The following P2RX4 variants were observed in gnomAD, a reference collection of about 807,000 sequenced individuals.
P2RX4 encodes the protein purinergic receptor P2X 4.
A neutral mutation model predicts 48.0 loss-of-function variants in P2RX4; 37 were observed. That is an observed-to-expected ratio of 0.77 (90% CI 0.59 to 1.01). P2RX4 has a LOEUF of 1.01. P2RX4 is among the 50% of genes least tolerant of loss of function. The pLI is 0.00. For missense variants in P2RX4, 501 were observed against 521.4 expected, an observed-to-expected ratio of 0.96 and a Z score of 0.38; for synonymous variants, 200 against 199.7, an observed-to-expected ratio of 1.00 and a Z score of -0.01.
intron 4 of P2RX4, 31 bp from the exon 5 acceptor site, chr12:121,222,916 T>A: frequency 6.5e-7 from 1 of 1,541,646 alleles, no homozygotes; most frequent in Non-Finnish European, 9.0e-7. Flanking sequence ...CCTGTGGACA[T>A]GGGACCCCCC....
intron 1 of P2RX4, among the ~76,000 whole-genome samples, chr12:121,210,951 C>T (rs1440445695): frequency 6.6e-6 from 1 of 152,184 alleles, no homozygotes; most frequent in Non-Finnish European, 1.5e-5. Flanking sequence ...CGCTTGGTTC[C>T]TTCTGGGTGG....
chr12:121,215,210 C>T (rs952762938), intron 1 of P2RX4: 3 of 152,160 alleles, frequency 2.0e-5, no homozygotes, highest in African/African-American at 4.8e-5. Context: ...CTGTGACCAA[C>T]GATGACTCAC....
intron 8 of P2RX4, among the ~76,000 whole-genome samples, chr12:121,230,427 G>T (rs1213910166): frequency 6.6e-6 from 1 of 152,200 alleles, no homozygotes; most frequent in Non-Finnish European, 1.5e-5. Context: ...CCTGGGCGCG[G>T]TCAGCGGTGC....
At chr12:121,222,391 T>G (rs904040081) in intron 4 of P2RX4, 60 of 554,410 alleles carry the variant, frequency 1.1e-4, no homozygotes, top group Middle Eastern at 9.3e-4. Context: ...TGTTGTTGTT[T>G]TTTCTTGTTT....
Position 121,233,961 on chromosome 12 carries a change from T to C in P2RX4, c.*412T>C, listed in dbSNP as rs955874263. On this transcript the variant is annotated 3_prime_UTR_variant, in exon 12 of 12. Transcript: ENST00000337233. ...TATGCGGCAGGGGAGGCCGCCTGGC[T>C]GCAGTCACTAGACTTGTAGCAGGCC... 9 of 236,620 alleles carry C rather than the reference T, an allele frequency of 3.8e-5. No individual in the cohort carries two copies. Among genetic ancestry groups the C allele is most frequent in the African/African-American group, 1.8e-4 (8 of 45,248 alleles). 14.7% of individuals were successfully genotyped at this position (236,620 alleles called of 1,614,324 possible).
Position 121,222,067 on chromosome 12 carries a change from C to A in P2RX4, c.355-27C>A, listed in dbSNP as rs756498799. The A allele has an allele frequency of 1.9e-6, 3 of 1,610,286 alleles. No individual in the cohort carries two copies. In the South Asian group the frequency reaches 3.3e-5, roughly 18 times the overall value. ...TGTGTGTGGGGCCGGGCCACGTGGA[C>A]TTTCTTTTCGCTCCTTCTTTTTCCA... On this transcript the variant is annotated intron_variant, in intron 3 of 11. Coordinates refer to ENST00000337233, the MANE Select transcript of P2RX4 (RefSeq NM_002560.3).
chr12:121,226,588 A>G (rs970686281), intron 5 of P2RX4, among the ~76,000 whole-genome samples: 7 of 152,186 alleles, frequency 4.6e-5, no homozygotes, highest in African/African-American at 1.7e-4. Context: ...GACAGAGGTG[A>G]TGATTGCACA....
rs1887225382 is a variant in P2RX4 at position 121,229,798 on chromosome 12, T to C, written c.884+699T>C. 6.6e-6 allele frequency among the ~76,000 whole-genome samples: 1 copy of C among 152,202 alleles called. No individual in the cohort carries two copies. Among genetic ancestry groups the C allele is most frequent in the Admixed American group, 6.5e-5 (1 of 15,272 alleles). ...CCCACGGTGTTCCTTGGCTTGTGGA[T>C]GCATCACTCCAGTCTCTGCCTCTCC... On this transcript the variant is annotated intron_variant, in intron 8 of 11. Transcript: ENST00000337233. The surrounding 1 kb of genome is among the most constrained non-coding windows in gnomAD (Gnocchi z 4.6).
chr12:121,233,918 G>A lies in P2RX4; in HGVS notation c.*369G>A, dbSNP rs965384260. On this transcript the variant is annotated 3_prime_UTR_variant, in exon 12 of 12. Coordinates refer to ENST00000337233, the MANE Select transcript of P2RX4 (RefSeq NM_002560.3). ...CAGGCCCAGTCCTCTGAGGCACGGC[G>A]GCTCTGTTCAAGCACTTTATGCGGC... The A allele has an allele frequency of 2.0e-5, 6 of 297,772 alleles. No homozygotes were observed. Among genetic ancestry groups the A allele is most frequent in the South Asian group, 1.3e-4 (3 of 22,778 alleles). The allele number at this position is 297,772 out of a possible 1,614,324, so 18.4% of individuals were successfully genotyped here.
At chr12:121,211,086 T>C (rs985675925) in intron 1 of P2RX4, among the ~76,000 whole-genome samples, 4 of 152,202 alleles carry the variant, frequency 2.6e-5, no homozygotes, top group Non-Finnish European at 4.4e-5. Context: ...CTTTTTGTGG[T>C]ACCTGCCCTA....
chr12:121,210,227 G>C lies in P2RX4; in HGVS notation c.63G>C (p.Val21=). The change falls in exon 1 of 12, where the codon GTG becomes GTC. Residue 21 remains valine, a synonymous_variant. Coordinates refer to ENST00000337233, the MANE Select transcript of P2RX4 (RefSeq NM_002560.3). ...TCGAGTACGACACGCCGCGCATCGT[G>C]CTCATCCGCAGCCGCAAAGTGGGGC... The part of the protein sequence containing the change: ...FLFEYDTPRI[V]LIRSRKVGLM... The C allele has an allele frequency of 6.4e-7, 1 of 1,562,156 alleles. No homozygotes were observed.
Position 121,233,504 on chromosome 12 carries a change from C to T in P2RX4, c.1141-19C>T, listed in dbSNP as rs200680068. ...GGGGTCCCAGGGGCACCTTGATCTG[C>T]TTGTGTCCTTCTTTGCAGGGTCTTG... On this transcript the variant is annotated intron_variant, in intron 11 of 11. Transcript: ENST00000337233. 3.2e-5 allele frequency: 52 copies of T among 1,604,540 alleles called. No individual in the cohort carries two copies. In the African/African-American group the frequency reaches 6.5e-4, roughly 20 times the overall value.
intron 5 of P2RX4, among the ~76,000 whole-genome samples, chr12:121,225,707 G>A (rs1026412777): frequency 2.0e-5 from 3 of 152,122 alleles, no homozygotes; most frequent in Non-Finnish European, 4.4e-5. Context: ...CACCACGCCC[G>A]GCCCTGAATA....
chr12:121,225,400 T>A (rs1432991559), intron 5 of P2RX4, among the ~76,000 whole-genome samples: 5 of 150,860 alleles, frequency 3.3e-5, no homozygotes, highest in Non-Finnish European at 7.4e-5. Flanking sequence ...TTATTTATTT[T>A]TTATTTATTT....
chr12:121,220,956 G>C (rs1403315977), intron 2 of P2RX4, among the ~76,000 whole-genome samples: 1 of 152,080 alleles, frequency 6.6e-6, no homozygotes, highest in Non-Finnish European at 1.5e-5. Flanking sequence ...GTTGTAGCCT[G>C]TATCAGTGCT....
At chr12:121,221,178 GTGTGTGTGTGTGTGTGTGTT>G (rs1429423663) in intron 2 of P2RX4, among the ~76,000 whole-genome samples, 2 of 140,378 alleles carry the variant, frequency 1.4e-5, no homozygotes, top group African/African-American at 2.8e-5. Flanking sequence ...GTGTGTGTGT[GTGTGTGTGTGTGTGTGTGTT>G]TTTAGTACAA....
At chr12:121,211,146 C>T (rs1885815027) in intron 1 of P2RX4, among the ~76,000 whole-genome samples, 1 of 152,204 alleles carries the variant, frequency 6.6e-6, no homozygotes, top group African/African-American at 2.4e-5. Context: ...AGATGCCCTA[C>T]CGCCCTCAGG....
At chr12:121,228,379 A>AT (rs1298115161) in intron 5 of P2RX4, among the ~76,000 whole-genome samples, 154 bp from the exon 6 acceptor site, 46 of 127,074 alleles carry the variant, frequency 3.6e-4, no homozygotes, top group East Asian at 1.1e-3. Flanking sequence ...AAAAAAAAAA[A>AT]AAAAAAATAT....
chr12:121,228,455 G>GTGTA, intron 5 of P2RX4, 78 bp from the exon 6 acceptor site: 1 of 659,590 alleles, frequency 1.5e-6, no homozygotes. Context: ...ATATATGTGT[G>GTGTA]TATATATATA....
Sources: allele counts gnomAD v4.1 joint callset (sites outside exome capture counted in the v4.1 genomes callset), GRCh38; gene constraint gnomAD v4.1.1; non-coding constraint Gnocchi (gnomAD v3.1); transcripts MANE v1.5; gene names NCBI Gene and HGNC (gene_info 2026-07-23, HGNC 2026-07-21).